The following MED21 variants were observed in gnomAD, a reference collection of about 807,000 sequenced individuals.
The protein encoded by MED21 is mediator complex subunit 21, also known as mediator of RNA polymerase II transcription subunit 21.
MED21 carries 9 observed loss-of-function variants against 18.2 expected under a neutral mutation model. The ratio of observed to expected loss-of-function variants is 0.49; its 90% CI spans 0.30 to 0.86. The LOEUF (loss-of-function observed/expected upper bound fraction) is 0.86, where lower values mean the gene tolerates loss of function less well. Ranked by LOEUF, MED21 falls within the 40% of genes least tolerant of loss-of-function variation. MED21 has a pLI of 0.07. For synonymous variants in MED21, 73 were observed against 60.5 expected (o/e 1.21, Z -0.96); for missense variants, 150 against 170.9 (o/e 0.88, Z 0.68).
chr12:27,027,122 T>C (rs548614292), intron 2 of MED21, among the ~76,000 whole-genome samples: 1 of 152,148 alleles, frequency 6.6e-6, no homozygotes, highest in African/African-American at 2.4e-5. Context: ...AGAGATGGGG[T>C]TTCACCATGT....
intron 2 of MED21, among the ~76,000 whole-genome samples, chr12:27,036,870 T>C (rs977826898): frequency 1.3e-5 from 2 of 152,194 alleles, no homozygotes; most frequent in Non-Finnish European, 2.9e-5. Context: ...AGTCAGGTAG[T>C]GTGATGCCTC....
In MED21 at chr12:27,028,298, A is replaced by C. The variant is rs746207032; in HGVS notation, c.272A>C (p.Tyr91Ser). The change falls in exon 4 of 4, where the codon TAT (tyrosine) becomes TCT (serine). Residue 91 changes from tyrosine (Y) to serine (S), a missense_variant. Tyr to Ser is a moderately radical substitution (Grantham distance 144). Coordinates refer to ENST00000282892, the MANE Select transcript of MED21 (RefSeq NM_004264.5). Reference protein sequence around the residue: ...STAALQAASLYKLEEENHEAA... With the variant: ...STAALQAASLSKLEEENHEAA... The stretch of plus-strand genomic sequence containing the variant: ...TGTCTTATAAAGGCTGCTAGCTTGT[A>C]TAAGCTAGAAGAAGAAAACCATGAA... 1.1e-5 allele frequency: 17 copies of C among 1,613,628 alleles called. No individual in the cohort carries two copies. Among genetic ancestry groups the C allele is most frequent in the Non-Finnish European group, 1.4e-5 (17 of 1,179,650 alleles).
In MED21 at chr12:27,028,639, A is replaced by G. The variant is rs1307534741; in HGVS notation, c.*178A>G. On this transcript the variant is annotated 3_prime_UTR_variant, in exon 4 of 4. Coordinates refer to ENST00000282892, the MANE Select transcript of MED21 (RefSeq NM_004264.5). ...TCACTCTTGATAAGCTTATAAAATC[A>G]TGATTGAATCAGCTTTAAAGCATCA... 1.2e-5 allele frequency: 16 copies of G among 1,280,436 alleles called. No homozygotes were observed. The highest frequency in any genetic ancestry group is 2.4e-4 in the Middle Eastern group (1 of 4,234). 79.3% of individuals were successfully genotyped at this position (1,280,436 alleles called of 1,614,324 possible).
intron 1 of MED21, among the ~76,000 whole-genome samples, chr12:27,023,300 C>CTTTTCTT (rs1555110746): frequency 7.2e-5 from 8 of 110,402 alleles, no homozygotes; most frequent in African/African-American, 2.2e-4. Context: ...TTTTTCTTTT[C>CTTTTCTT]TTTTTTTTTT....
Position 27,028,616 on chromosome 12 carries a change from A to G in MED21, c.*155A>G, listed in dbSNP as rs375578150. On this transcript the variant is annotated 3_prime_UTR_variant, in exon 4 of 4. Transcript: ENST00000282892. ...CTATTTTTAATAGTCTTCTATTTTC[A>G]CTCTTGATAAGCTTATAAAATCATG... The G allele has an allele frequency of 1.6e-5, 21 of 1,304,462 alleles. No individual in the cohort carries two copies. Among genetic ancestry groups the G allele is most frequent in the African/African-American group, 7.4e-5 (5 of 67,972 alleles). The allele number at this position is 1,304,462 out of a possible 1,614,324, so 80.8% of individuals were successfully genotyped here. A position where few individuals can be genotyped will look rare whatever the true frequency, so the allele number is the denominator to read the frequency against.
Position 27,028,526 on chromosome 12 carries a change from A to T in MED21, c.*65A>T. On this transcript the variant is annotated 3_prime_UTR_variant, in exon 4 of 4. Transcript: ENST00000282892. ...AGTGCCATTAAGAATTCTGCATCAGACTTAGATACAAGCCTTACCAACAAT... is the reference window on the plus strand; with the variant it reads ...AGTGCCATTAAGAATTCTGCATCAGTCTTAGATACAAGCCTTACCAACAAT... The T allele has an allele frequency of 6.5e-7, 1 of 1,547,744 alleles. No individual in the cohort carries two copies. Among genetic ancestry groups the T allele is most frequent in the Admixed American group, 1.9e-5 (1 of 53,658 alleles).
At chr12:27,038,347 A>G (rs1433911717) in intron 2 of MED21, 1 of 152,226 alleles carries the variant, frequency 6.6e-6, no homozygotes, top group Non-Finnish European at 1.5e-5. Context: ...ACAAAAATGT[A>G]AGATATCTAG....
chr12:27,030,296 A>T lies in MED21; in HGVS notation c.*1835A>T. 7.8e-5 allele frequency: 36 copies of T among 462,524 alleles called. No homozygotes were observed. The highest frequency in any genetic ancestry group is 3.4e-4 in the South Asian group (9 of 26,452). 28.7% of individuals were successfully genotyped at this position (462,524 alleles called of 1,614,324 possible). A position where few individuals can be genotyped will look rare whatever the true frequency, so the allele number is the denominator to read the frequency against. On this transcript the variant is annotated 3_prime_UTR_variant, in exon 4 of 4. Coordinates refer to ENST00000282892, the MANE Select transcript of MED21 (RefSeq NM_004264.5). Reference sequence around the variant, plus strand: ...AGGCATGTACTACCACGTCCAGCTAATTTTTTTTTTCTTTTTTTTTTAGAG... The same window carrying T: ...AGGCATGTACTACCACGTCCAGCTATTTTTTTTTTTCTTTTTTTTTTAGAG...
chr12:27,026,675 A>T, intron 2 of MED21, 141 bp downstream of exon 2: 1 of 702,058 alleles, frequency 1.4e-6, no homozygotes, highest in Non-Finnish European at 2.4e-6. Context: ...TGTTTGTTGT[A>T]AAAAATTTAC....
chr12:27,026,226 A>G (rs1233234514), intron 1 of MED21, among the ~76,000 whole-genome samples, 194 bp from the exon 2 acceptor site: 3 of 152,218 alleles, frequency 2.0e-5, no homozygotes, highest in Non-Finnish European at 2.9e-5. Context: ...TACCAAACTT[A>G]GTTTCTTTGC....
In MED21 at chr12:27,028,527, C is replaced by T; in HGVS notation, c.*66C>T. The T allele has an allele frequency of 6.5e-7, 1 of 1,547,220 alleles. No individual in the cohort carries two copies. The highest frequency in any genetic ancestry group is 1.2e-5 in the South Asian group (1 of 80,424). On this transcript the variant is annotated 3_prime_UTR_variant, in exon 4 of 4. Coordinates refer to ENST00000282892, the MANE Select transcript of MED21 (RefSeq NM_004264.5). ...GTGCCATTAAGAATTCTGCATCAGA[C>T]TTAGATACAAGCCTTACCAACAATT...
chr12:27,026,934 T>TC (rs1941552724), intron 2 of MED21, among the ~76,000 whole-genome samples: 1 of 152,176 alleles, frequency 6.6e-6, no homozygotes, highest in South Asian at 2.1e-4. Flanking sequence ...ATTAGAATCT[T>TC]CTTTTTTTTT....
At chr12:27,038,326 C>T (rs1941661938) in intron 2 of MED21, 1 of 150,146 alleles carries the variant, frequency 6.7e-6, no homozygotes, top group South Asian at 2.1e-4. Flanking sequence ...TTCAGGAATA[C>T]AACGAATATA....
At chr12:27,025,084 A>C (rs1371080886) in intron 1 of MED21, among the ~76,000 whole-genome samples, 1 of 152,242 alleles carries the variant, frequency 6.6e-6, no homozygotes, top group Admixed American at 6.5e-5. Context: ...ATGGATCTTA[A>C]AAGCTTTTGA....
chr12:27,036,078 C>A (rs1941647845), intron 2 of MED21, among the ~76,000 whole-genome samples: 1 of 152,184 alleles, frequency 6.6e-6, no homozygotes, highest in Admixed American at 6.5e-5. Flanking sequence ...ATTCCTATTT[C>A]TCAACATCCT....
intron 1 of MED21, among the ~76,000 whole-genome samples, chr12:27,025,607 G>C (rs1565479721): frequency 6.6e-6 from 1 of 152,120 alleles, no homozygotes. Flanking sequence ...AGGAAAGTAA[G>C]AATCTGAAGT....
intron 1 of MED21, among the ~76,000 whole-genome samples, chr12:27,024,766 G>T (rs1169710974): frequency 6.6e-6 from 1 of 151,812 alleles, no homozygotes; most frequent in Non-Finnish European, 1.5e-5. Context: ...TACTCCTAAA[G>T]GAGGTTAAAA....
chr12:27,032,003 C>T (rs145062067), downstream of MED21, among the ~76,000 whole-genome samples: 63 of 152,242 alleles, frequency 4.1e-4, 1 homozygote, highest in East Asian at 0.011. Context: ...GACCTTACTG[C>T]CTGGTACCCA....
At position 27,029,787 on chromosome 12, in the gene MED21, G is replaced by A; in HGVS notation, c.*1326G>A. ...AATCTGTACTCTTCATTATAGTTTTGGGGGGAGAGAAGATTCAGTCAGAAA... is the reference window on the plus strand; with the variant it reads ...AATCTGTACTCTTCATTATAGTTTTAGGGGGAGAGAAGATTCAGTCAGAAA... On this transcript the variant is annotated 3_prime_UTR_variant, in exon 4 of 4. Coordinates refer to ENST00000282892, the MANE Select transcript of MED21 (RefSeq NM_004264.5). 1.0e-6 allele frequency: 1 copy of A among 988,106 alleles called. No homozygotes were observed. Among genetic ancestry groups the A allele is most frequent in the Non-Finnish European group, 1.2e-6 (1 of 831,416 alleles). The allele number at this position is 988,106 out of a possible 1,614,324, so 61.2% of individuals were successfully genotyped here. A position where few individuals can be genotyped will look rare whatever the true frequency, so the allele number is the denominator to read the frequency against.
Sources: allele counts gnomAD v4.1 joint callset (sites outside exome capture counted in the v4.1 genomes callset), GRCh38; gene constraint gnomAD v4.1.1; transcripts MANE v1.5; gene names NCBI Gene and HGNC (gene_info 2026-07-23, HGNC 2026-07-21).